Variants in GABRB3 observed in about 807,000 individuals in gnomAD.
The protein encoded by GABRB3 is gamma-aminobutyric acid type A receptor subunit beta3.
In GABRB3, 14 loss-of-function variants were observed where a neutral mutation model predicts 52.1. That is an observed-to-expected ratio of 0.27 (90% CI 0.18 to 0.42). The LOEUF (loss-of-function observed/expected upper bound fraction) is 0.42, where lower values mean the gene tolerates loss of function less well. Among genes scored for constraint, GABRB3 ranks in the 10% least tolerant of loss-of-function variants. GABRB3 has a pLI of 1.00. For synonymous variants in GABRB3, 260 were observed against 232.3 expected, an observed-to-expected ratio of 1.12 and a Z score of -1.08; for missense variants, 307 against 609.1, an observed-to-expected ratio of 0.50 and a Z score of 5.22.
chr15:26,634,989 TATATATATATATATATATATA>T (rs1163332443), intron 3 of GABRB3, among the ~76,000 whole-genome samples: 19 of 4,850 alleles, frequency 3.9e-3, no homozygotes, highest in East Asian at 0.17. Context: ...TCTCTAAATA[TATATATATATATATATATATA>T]ATATATATAT....
intron 3 of GABRB3, among the ~76,000 whole-genome samples, chr15:26,745,810 T>C (rs887517779): frequency 6.6e-6 from 1 of 152,250 alleles, no homozygotes; most frequent in Admixed American, 6.5e-5. Flanking sequence ...TGTTGCTGAA[T>C]AGAATTCCAT....
chr15:26,617,235 A>G (rs901238602), intron 4 of GABRB3, among the ~76,000 whole-genome samples: 1 of 152,166 alleles, frequency 6.6e-6, no homozygotes, highest in Non-Finnish European at 1.5e-5. Flanking sequence ...ATTTTATGAG[A>G]CCAGCATCAT....
At chr15:26,698,563 A>C (rs1231684849) in intron 3 of GABRB3, among the ~76,000 whole-genome samples, 1 of 152,238 alleles carries the variant, frequency 6.6e-6, no homozygotes, top group African/African-American at 2.4e-5. Context: ...AAAATAGAAA[A>C]GAGAAAAAAT....
chr15:26,742,080 C>G (rs1890222759), intron 3 of GABRB3, among the ~76,000 whole-genome samples: 1 of 152,154 alleles, frequency 6.6e-6, no homozygotes, highest in Non-Finnish European at 1.5e-5. Flanking sequence ...CACTCCTACA[C>G]GACATTTTTC....
intron 8 of GABRB3, among the ~76,000 whole-genome samples, chr15:26,554,190 ACTAT>A (rs1889655854): frequency 9.5e-5 from 3 of 31,526 alleles, no homozygotes; most frequent in Admixed American, 6.9e-4. Flanking sequence ...ATATATATAT[ACTAT>A]ATATATATAT....
intron 8 of GABRB3, 81 bp from the exon 9 acceptor site, chr15:26,548,215 G>T: frequency 9.5e-7 from 1 of 1,056,230 alleles, no homozygotes; most frequent in Non-Finnish European, 1.5e-6. Context: ...ATGATGTCAT[G>T]CCATCACATG....
At chr15:26,681,749 G>A (rs1326095021) in intron 3 of GABRB3, among the ~76,000 whole-genome samples, 1 of 152,134 alleles carries the variant, frequency 6.6e-6, no homozygotes, top group Non-Finnish European at 1.5e-5. Flanking sequence ...ATAGCTTGAG[G>A]CCAGGAGTTT....
chr15:26,773,038 GC>G lies in GABRB3; in HGVS notation c.-77del, dbSNP rs1891200818. 2.0e-6 allele frequency: 2 copies of G among 1,016,932 alleles called. No individual in the cohort carries two copies. The highest frequency in any genetic ancestry group is 6.3e-5 in the African/African-American group (2 of 31,782). 63.0% of individuals were successfully genotyped at this position (1,016,932 alleles called of 1,614,324 possible). On this transcript the variant is annotated 5_prime_UTR_variant, in exon 1 of 9. Coordinates refer to ENST00000311550, the MANE Select transcript of GABRB3 (RefSeq NM_000814.6). The stretch of plus-strand genomic sequence containing the variant: ...ACCCGCAGCCGGGGCTGCTCCTGCT[GC>G]TGCCGCCGCCGCCGCCGCCGCCGCG...
Position 26,760,888 on chromosome 15 carries a change from G to T in GABRB3, c.240+11514C>A, listed in dbSNP as rs144752903. Among the ~76,000 whole-genome samples the T allele has an allele frequency of 2.3e-3, 349 of 151,244 alleles. 1 individual carries two copies. Among genetic ancestry groups the T allele is most frequent in the African/African-American group, 8.2e-3 (336 of 41,166 alleles). On this transcript the variant is annotated intron_variant, in intron 3 of 8. Transcript: ENST00000311550. ...ATTTTTGAATCTCTTTGAATTTCCG[G>T]ATCTGCTTTCATTTACTCACCCATG... is the stretch of plus-strand genomic sequence containing the variant.
At chr15:26,753,997 T>G (rs1004982658) in intron 3 of GABRB3, among the ~76,000 whole-genome samples, 10 of 152,140 alleles carry the variant, frequency 6.6e-5, no homozygotes, top group African/African-American at 2.4e-4. Context: ...ATAAATGTAT[T>G]TACTAGGAGA....
chr15:26,560,853 CAAAG>C, intron 8 of GABRB3, 75 bp downstream of exon 8: 1 of 1,600,204 alleles, frequency 6.2e-7, no homozygotes, highest in Non-Finnish European at 8.5e-7. Context: ...GGGGAAAAAA[CAAAG>C]AAATATCATG....
At chr15:26,704,811 T>C (rs937933605) in intron 3 of GABRB3, among the ~76,000 whole-genome samples, 2 of 152,206 alleles carry the variant, frequency 1.3e-5, no homozygotes, top group African/African-American at 4.8e-5. Flanking sequence ...CCTCTGAGAC[T>C]TCATCAAAAT....
At chr15:26,551,708 C>T (rs955975015) in intron 8 of GABRB3, among the ~76,000 whole-genome samples, 2 of 152,114 alleles carry the variant, frequency 1.3e-5, no homozygotes, top group Non-Finnish European at 2.9e-5. Flanking sequence ...AGTGTCACCG[C>T]GGGGTCTTCC....
chr15:26,590,436 A>G (rs923161465), intron 4 of GABRB3, among the ~76,000 whole-genome samples: 1 of 152,126 alleles, frequency 6.6e-6, no homozygotes, highest in Non-Finnish European at 1.5e-5. Context: ...ACCCTACGGC[A>G]ACTCACTCTC....
intron 3 of GABRB3, among the ~76,000 whole-genome samples, chr15:26,734,023 CTTTTTTTTTTTTT>C (rs61468831): frequency 1.4e-5 from 1 of 73,394 alleles, no homozygotes; most frequent in African/African-American, 4.8e-5. Context: ...AACTATAGGG[CTTTTTTTTTTTTT>C]TTTTTTTTTT....
rs191249403 is a variant in GABRB3, at chr15:26,677,892, G to A, written c.241-56358C>T. 2.2e-3 allele frequency among the ~76,000 whole-genome samples: 342 copies of A among 152,258 alleles called. 1 individual carries two copies. Among genetic ancestry groups the A allele is most frequent in the African/African-American group, 7.7e-3 (320 of 41,534 alleles). On this transcript the variant is annotated intron_variant, in intron 3 of 8. Transcript: ENST00000311550. ...AGATATCAGCACACAGGAGGGCAAC[G>A]AGGGCCTCCAGAAACACATGAAGCA... is the stretch of plus-strand genomic sequence containing the variant.
intron 3 of GABRB3, among the ~76,000 whole-genome samples, chr15:26,713,781 C>A (rs563644962): frequency 6.6e-6 from 1 of 152,330 alleles, no homozygotes; most frequent in South Asian, 2.1e-4. Context: ...ATTCATCAGG[C>A]AGCACACTCC....
At chr15:26,773,086 C>A (rs1891204005), upstream of GABRB3, 4 of 966,842 alleles carry the variant, frequency 4.1e-6, no homozygotes, top group Non-Finnish European at 5.0e-6. Context: ...CGGAGGAGGG[C>A]GGAGGGGGAG....
chr15:26,557,360 C>T lies in GABRB3; in HGVS notation c.1080+3572G>A, dbSNP rs118166852. Among the ~76,000 whole-genome samples, 1,422 of 152,256 alleles carry T rather than the reference C, an allele frequency of 9.3e-3. 14 individuals are homozygous for T. The highest frequency in any genetic ancestry group is 0.02 in the Middle Eastern group (6 of 294). On this transcript the variant is annotated intron_variant, in intron 8 of 8. Coordinates refer to ENST00000311550, the MANE Select transcript of GABRB3 (RefSeq NM_000814.6). ...TACCTGGGTGAGGAAATAATCGGTA[C>T]ACCAAACCCTTGTGACATGCACTTT...
Sources: gnomAD v4.1 joint callset for allele counts (sites outside exome capture counted in the v4.1 genomes callset) on GRCh38, gnomAD v4.1.1 for gene constraint, MANE v1.5 for transcripts, NCBI Gene and HGNC (gene_info 2026-07-23, HGNC 2026-07-21) for gene names.